Variants in THAP4 observed in about 807,000 individuals in gnomAD.
THAP4 encodes the protein peroxynitrite isomerase THAP4.
A neutral mutation model predicts 48.1 loss-of-function variants in THAP4; 18 were observed. The observed-to-expected ratio is 0.37, with a 90% CI of 0.26 to 0.56. The LOEUF (loss-of-function observed/expected upper bound fraction) is 0.56. Ranked by LOEUF, THAP4 falls within the 20% of genes least tolerant of loss-of-function variation. THAP4 has a pLI of 0.78. For missense variants in THAP4, 656 were observed against 774.9 expected (o/e 0.85, Z 1.82); for synonymous variants, 345 against 324.9 (o/e 1.06, Z -0.66).
At chr2:241,585,418 G>C (rs956586556) in intron 5 of THAP4, among the ~76,000 whole-genome samples, 1 of 151,942 alleles carries the variant, frequency 6.6e-6, no homozygotes, top group Non-Finnish European at 1.5e-5. Context: ...GGGGGCACCA[G>C]AAGTGGATGA....
chr2:241,602,234 C>T, intron 4 of THAP4: 1 of 557,294 alleles, frequency 1.8e-6, no homozygotes, highest in South Asian at 2.3e-5. Context: ...AGACTGGGCC[C>T]CAGCCCTCCC....
At position 241,633,248 on chromosome 2, in the gene THAP4, AG is replaced by A; in HGVS notation, c.908del (p.Pro303LeufsTer71). ...PQKPSQSPSA[P>X]PADVTPKPAT... ...CTGGCTTTGGGGTGACGTCGGCAGGAGGGGCAGAGGGGCTCTGGGAAGGCTT... is the reference window on the plus strand; with the variant it reads ...CTGGCTTTGGGGTGACGTCGGCAGGAGGGCAGAGGGGCTCTGGGAAGGCTT... On this transcript the variant is annotated frameshift_variant, in exon 2 of 6. Transcript: ENST00000407315. LOFTEE classifies it high-confidence loss of function. This position sits in a 1 kb window ranked among gnomAD's most constrained non-coding sequence, Gnocchi z 7.5. 6.2e-7 allele frequency: 1 copy of A among 1,608,088 alleles called. No homozygotes were observed. The highest frequency in any genetic ancestry group is 2.2e-5 in the East Asian group (1 of 44,762).
At position 241,633,523 on chromosome 2, in the gene THAP4, C is replaced by T; in HGVS notation, c.634G>A (p.Asp212Asn). The change falls in exon 2 of 6, where the codon GAT becomes AAT. Residue 212 changes from aspartate (D) to asparagine (N), a missense_variant. This residue lies in a region of THAP4 where 391 missense variants were observed against 412.4 expected (regional missense o/e 0.95). Coordinates refer to ENST00000407315, the MANE Select transcript of THAP4 (RefSeq NM_015963.6). This position sits in a 1 kb window ranked among gnomAD's most constrained non-coding sequence, Gnocchi z 7.5. ...ATSSIEGGVT[D>N]KSGISMDDFT... ...TCATCCATAGAAATGCCACTCTTAT[C>T]TGTCACGCCCCCTTCGATGGAGGAA... 6.2e-7 allele frequency: 1 copy of T among 1,614,154 alleles called. No homozygotes were observed. The highest frequency in any genetic ancestry group is 2.2e-5 in the East Asian group (1 of 44,886).
intron 5 of THAP4, among the ~76,000 whole-genome samples, chr2:241,592,820 C>T (rs965097568): frequency 6.6e-6 from 1 of 152,172 alleles, no homozygotes; most frequent in African/African-American, 2.4e-5. Context: ...AGGGAAATGC[C>T]CCAAACAGCA....
intron 5 of THAP4, chr2:241,594,589 A>AAACAACAAC (rs554960592): frequency 2.8e-6 from 1 of 358,102 alleles, no homozygotes; most frequent in Non-Finnish European, 5.5e-6. Context: ...AAACAAAACA[A>AAACAACAAC]AACAACAACA....
chr2:241,621,875 A>G (rs1382613502), intron 2 of THAP4, among the ~76,000 whole-genome samples: 3 of 152,176 alleles, frequency 2.0e-5, no homozygotes, highest in African/African-American at 4.8e-5. Flanking sequence ...TCAAAAGGAA[A>G]AAAAATCCTT....
At position 241,585,912 on chromosome 2, in the gene THAP4, C is replaced by CAAAAAAAAAAAAAAAAAAAAAAAAAAAA. The variant is rs1175852721; in HGVS notation, c.1615-1188_1615-1187insTTTTTTTTTTTTTTTTTTTTTTTTTTTT. 1.8e-4 allele frequency among the ~76,000 whole-genome samples: 5 copies of CAAAAAAAAAAAAAAAAAAAAAAAAAAAA among 28,282 alleles called. 1 individual carries two copies. The highest frequency in any genetic ancestry group is 2.7e-3 in the East Asian group (2 of 748). 18.6% of individuals were successfully genotyped at this position (28,282 alleles called of 152,430 possible). ...TGGGTGACAGAGCAAGACTCCTTCT[C>CAAAAAAAAAAAAAAAAAAAAAAAAAAAA]AAAAAAAAAAAAAAAAAGAAAAAAA... On this transcript the variant is annotated intron_variant, in intron 5 of 5. Coordinates refer to ENST00000407315, the MANE Select transcript of THAP4 (RefSeq NM_015963.6).
chr2:241,633,168 T>G lies in THAP4; in HGVS notation c.989A>C (p.Glu330Ala). ...GGCCCCTGACGCCGACAGGATGACC[T>G]CGTTGATGGACATGGGGCTGGCGTC... Reference protein sequence around the residue: ...HSDASPMSINEVILSASGACK... With the variant: ...HSDASPMSINAVILSASGACK... Residue 330 changes from glutamate to alanine, a missense_variant, in exon 2 of 6, where the codon GAG (glutamate) becomes GCG (alanine). Transcript: ENST00000407315. The surrounding 1 kb of genome is among the most constrained non-coding windows in gnomAD (Gnocchi z 7.5). 1 of 1,609,056 alleles carries G rather than the reference T, an allele frequency of 6.2e-7. No homozygotes were observed. The highest frequency in any genetic ancestry group is 8.5e-7 in the Non-Finnish European group (1 of 1,176,888).
intron 2 of THAP4, among the ~76,000 whole-genome samples, chr2:241,620,108 G>GTCAGT (rs1231813021): frequency 1.9e-5 from 2 of 107,234 alleles, no homozygotes; most frequent in Non-Finnish European, 1.9e-5. Flanking sequence ...CGGTGAGTGA[G>GTCAGT]GGGTGAGGGG....
intron 2 of THAP4, among the ~76,000 whole-genome samples, chr2:241,615,641 A>G (rs933300188): frequency 2.0e-5 from 3 of 152,258 alleles, no homozygotes; most frequent in Non-Finnish European, 4.4e-5. Flanking sequence ...ATCTGTTCAA[A>G]TTAAAACAAA....
rs138199960 is a variant in THAP4 at position 241,624,025 on chromosome 2, G to A, written c.1240+8892C>T. On this transcript the variant is annotated intron_variant, in intron 2 of 5. Coordinates refer to ENST00000407315, the MANE Select transcript of THAP4 (RefSeq NM_015963.6). ...TCCCACAAGACTGCCCCCATCTGAG[G>A]ACGATGGCAAGTAGTGGGTCCCAGG... is the stretch of plus-strand genomic sequence containing the variant. Among the ~76,000 whole-genome samples the A allele has an allele frequency of 3.8e-3, 573 of 152,270 alleles. 1 individual carries two copies. The highest frequency in any genetic ancestry group is 0.013 in the African/African-American group (538 of 41,556).
intron 2 of THAP4, 55 bp downstream of exon 2, chr2:241,632,862 G>A: frequency 2.1e-6 from 3 of 1,415,884 alleles, no homozygotes; most frequent in Non-Finnish European, 2.8e-6. Flanking sequence ...CCACCTTGCA[G>A]AGAAACCCCT....
chr2:241,612,231 CG>C lies in THAP4; in HGVS notation c.1241-5759del, dbSNP rs2067286200. ...GAGAAACAAACACCGGGAAACACAGCGGAACACAGAGGACAGAAATGAGTTA... is the reference window on the plus strand; with the variant it reads ...GAGAAACAAACACCGGGAAACACAGCGAACACAGAGGACAGAAATGAGTTA... On this transcript the variant is annotated intron_variant, in intron 2 of 5. Coordinates refer to ENST00000407315, the MANE Select transcript of THAP4 (RefSeq NM_015963.6). This position sits in a 1 kb window ranked among gnomAD's most constrained non-coding sequence, Gnocchi z 4.1. 6.6e-6 allele frequency among the ~76,000 whole-genome samples: 1 copy of C among 151,704 alleles called. No homozygotes were observed. Among genetic ancestry groups the C allele is most frequent in the African/African-American group, 2.4e-5 (1 of 41,262 alleles).
chr2:241,602,266 TGG>T (rs1297294675), intron 4 of THAP4: 3 of 518,294 alleles, frequency 5.8e-6, no homozygotes, highest in Non-Finnish European at 6.9e-6. Flanking sequence ...CCAATCAGCC[TGG>T]CAGAACCACC....
chr2:241,604,595 A>G (rs2067156411), intron 3 of THAP4, among the ~76,000 whole-genome samples: 1 of 151,902 alleles, frequency 6.6e-6, no homozygotes, highest in African/African-American at 2.4e-5. Flanking sequence ...TTTTTAGTAG[A>G]GACACAATTT....
rs1007308281 is a variant in THAP4 at position 241,617,924 on chromosome 2, G to C, written c.1241-11451C>G. ...TCCTGGCAAGCGGCCCGGGAACCCAGGACAGGAAGTGAGCAAATGCACCCA... is the reference window on the plus strand; with the variant it reads ...TCCTGGCAAGCGGCCCGGGAACCCACGACAGGAAGTGAGCAAATGCACCCA... On this transcript the variant is annotated intron_variant, in intron 2 of 5. Transcript: ENST00000407315. Among the ~76,000 whole-genome samples, 8 of 152,350 alleles carry C rather than the reference G, an allele frequency of 5.3e-5. No homozygotes were observed. The East Asian group carries it at 1.5e-3, about 29-fold the overall frequency.
rs376745509 is a variant in THAP4, at chr2:241,602,983, G to A, written c.1497C>T (p.Ser499=). Residue 499 remains serine, a synonymous_variant, in exon 4 of 6, where the codon AGC becomes AGT. Coordinates refer to ENST00000407315, the MANE Select transcript of THAP4 (RefSeq NM_015963.6). The part of the protein sequence containing the change: ...KPDTNKVAFV[S]AQNTGVVEVE... ...GCTGGGCCTCACCTGTGTTCTGGGC[G>A]CTGACAAAGGCCACCTTGTTGGTGT... is the stretch of plus-strand genomic sequence containing the variant. 97 of 1,613,562 alleles carry A rather than the reference G, an allele frequency of 6.0e-5. No homozygotes were observed. Among genetic ancestry groups the A allele is most frequent in the African/African-American group, 9.3e-5 (7 of 74,936 alleles).
chr2:241,606,321 T>A lies in THAP4; in HGVS notation c.1393A>T (p.Asn465Tyr). Reference protein sequence around the residue: ...HISHVGQPMLNFSFNSFHPDT... With the variant: ...HISHVGQPMLYFSFNSFHPDT... ...TGGAGGGAGACAACTTACGAGAAGT[T>A]CAGCATGGGCTGGCCCACGTGGGAG... The change falls in exon 3 of 6, where the codon AAC becomes TAC. Residue 465 changes from asparagine (N) to tyrosine (Y), a missense_variant. By Grantham distance (143) the Asn-to-Tyr change is moderately radical (BLOSUM62 -2). Around this residue, in one of 4 missense-constraint regions of THAP4, gnomAD observed 176 missense variants for 256.7 expected, o/e 0.69. Transcript: ENST00000407315. 1 of 1,555,130 alleles carries A rather than the reference T, an allele frequency of 6.4e-7. No homozygotes were observed. Among genetic ancestry groups the A allele is most frequent in the Non-Finnish European group, 8.7e-7 (1 of 1,148,548 alleles).
Position 241,612,868 on chromosome 2 carries a change from CGT to C in THAP4, c.1241-6397_1241-6396del. Among the ~76,000 whole-genome samples, 1 of 152,310 alleles carries C rather than the reference CGT, an allele frequency of 6.6e-6. No homozygotes were observed. Among genetic ancestry groups the C allele is most frequent in the East Asian group, 1.9e-4 (1 of 5,184 alleles). On this transcript the variant is annotated intron_variant, in intron 2 of 5. Transcript: ENST00000407315. The surrounding 1 kb of genome is among the most constrained non-coding windows in gnomAD (Gnocchi z 4.1). ...CAGCGATCCTTCCAGATTGCAGGCG[CGT>C]GAGCTGGCTCACTGACACGTGCAGT... is the stretch of plus-strand genomic sequence containing the variant.
Sources: allele counts gnomAD v4.1 joint callset (sites outside exome capture counted in the v4.1 genomes callset), GRCh38; gene constraint gnomAD v4.1.1; regional missense constraint gnomAD v4.1.1; non-coding constraint Gnocchi (gnomAD v3.1); transcripts MANE v1.5; gene names NCBI Gene and HGNC (gene_info 2026-07-23, HGNC 2026-07-21).